TECRL: variants seen among roughly 807,000 people sequenced by gnomAD.
TECRL encodes trans-2,3-enoyl-CoA reductase like.
In TECRL, 63 loss-of-function variants were observed where a neutral mutation model predicts 52.8. That is an observed-to-expected ratio of 1.19 (90% CI 0.97 to 1.47). The LOEUF (loss-of-function observed/expected upper bound fraction) is 1.47, where lower values mean the gene tolerates loss of function less well. TECRL is among the 40% of genes most tolerant of loss of function. TECRL has a pLI of 0.00. For synonymous variants in TECRL, 164 were observed against 141.9 expected (o/e 1.16, Z -1.10); for missense variants, 482 against 429.6 (o/e 1.12, Z -1.08).
chr4:64,363,250 A>G (rs1480924479), intron 2 of TECRL, among the ~76,000 whole-genome samples: 1 of 152,174 alleles, frequency 6.6e-6, no homozygotes, highest in East Asian at 1.9e-4. Flanking sequence ...GGAAACTTCA[A>G]CACCCAACTG....
intron 1 of TECRL, among the ~76,000 whole-genome samples, chr4:64,392,355 A>G (rs1005652433): frequency 6.6e-6 from 1 of 151,850 alleles, no homozygotes; most frequent in East Asian, 1.9e-4. Context: ...ACTTCTGATC[A>G]CCAACTATTT....
At chr4:64,388,220 C>T (rs1371528565) in intron 1 of TECRL, among the ~76,000 whole-genome samples, 20 of 127,104 alleles carry the variant, frequency 1.6e-4, no homozygotes, top group South Asian at 5.1e-4. Context: ...AGTCTAAATC[C>T]TTTTTTTTTT....
chr4:64,329,606 T>A (rs923844678), intron 2 of TECRL, among the ~76,000 whole-genome samples: 4 of 151,938 alleles, frequency 2.6e-5, no homozygotes, highest in African/African-American at 9.7e-5. Flanking sequence ...AATTTAACTA[T>A]CTAGAAAATA....
chr4:64,394,907 A>ATTT lies in TECRL; in HGVS notation c.234+14208_234+14210dup, dbSNP rs751448355. Among the ~76,000 whole-genome samples the ATTT allele has an allele frequency of 1.0e-3, 105 of 105,084 alleles. 1 individual carries two copies. Among genetic ancestry groups the ATTT allele is most frequent in the African/African-American group, 2.3e-3 (58 of 24,820 alleles). 68.9% of individuals were successfully genotyped at this position (105,084 alleles called of 152,430 possible). A position where few individuals can be genotyped will look rare whatever the true frequency, so the allele number is the denominator to read the frequency against. Reference sequence around the variant, plus strand: ...GTTACAAGTCAAAAAATTAACAAGCATTTTTTTTTTTTTTTTTTTTTTTGA... The same window carrying ATTT: ...GTTACAAGTCAAAAAATTAACAAGCATTTTTTTTTTTTTTTTTTTTTTTTTTGA... On this transcript the variant is annotated intron_variant, in intron 1 of 11. Coordinates refer to ENST00000381210, the MANE Select transcript of TECRL (RefSeq NM_001010874.5).
chr4:64,284,060 G>A (rs1318138629), intron 9 of TECRL, among the ~76,000 whole-genome samples: 1 of 151,978 alleles, frequency 6.6e-6, no homozygotes, highest in African/African-American at 2.4e-5. Context: ...ACAAATTATA[G>A]GAGAATACAC....
chr4:64,371,667 C>T (rs906954612), intron 2 of TECRL, among the ~76,000 whole-genome samples: 4 of 151,604 alleles, frequency 2.6e-5, no homozygotes, highest in African/African-American at 9.7e-5. Context: ...CTTTTCTTTG[C>T]AGGCAGAAAC....
chr4:64,356,585 A>T (rs1036024562), intron 2 of TECRL, among the ~76,000 whole-genome samples: 13 of 152,166 alleles, frequency 8.5e-5, no homozygotes, highest in African/African-American at 3.1e-4. Context: ...CCTTGAACTT[A>T]TTGTGACACA....
Position 64,409,333 on chromosome 4 carries a change from A to C in TECRL, c.19T>G (p.Ser7Ala), listed in dbSNP as rs772612143. ...GCTCTCTTGCGTTCCGAAGCGAGGG[A>C]CTTGTGCCTTTTGAACATTGTGTGA... MFKRHK[S>A]LASERKRALL... Residue 7 changes from serine to alanine, a missense_variant, in exon 1 of 12, where the codon TCC becomes GCC. Coordinates refer to ENST00000381210, the MANE Select transcript of TECRL (RefSeq NM_001010874.5). 6.2e-7 allele frequency: 1 copy of C among 1,613,378 alleles called. No homozygotes were observed. The highest frequency in any genetic ancestry group is 8.5e-7 in the Non-Finnish European group (1 of 1,179,524).
intron 4 of TECRL, among the ~76,000 whole-genome samples, chr4:64,316,471 T>A (rs1408965155): frequency 6.6e-6 from 1 of 152,074 alleles, no homozygotes; most frequent in South Asian, 2.1e-4. Context: ...TTTAAAAAAA[T>A]TATTTCAGTG....
At chr4:64,358,683 C>G (rs1034197569) in intron 2 of TECRL, among the ~76,000 whole-genome samples, 1 of 151,536 alleles carries the variant, frequency 6.6e-6, no homozygotes, top group African/African-American at 2.4e-5. Context: ...AAAATAAACT[C>G]ATTGTATTGA....
intron 1 of TECRL, among the ~76,000 whole-genome samples, chr4:64,406,391 G>A (rs975060650): frequency 2.6e-5 from 4 of 151,616 alleles, no homozygotes; most frequent in Admixed American, 6.6e-5. Flanking sequence ...TCTATCCTAA[G>A]CATTATAACA....
At chr4:64,308,511 A>G (rs1724481444) in intron 6 of TECRL, among the ~76,000 whole-genome samples, 1 of 152,176 alleles carries the variant, frequency 6.6e-6, no homozygotes, top group Non-Finnish European at 1.5e-5. Flanking sequence ...GGTGTAAGCC[A>G]CAGAAGGCTT....
intron 6 of TECRL, among the ~76,000 whole-genome samples, chr4:64,306,334 A>G (rs191178176): frequency 6.3e-4 from 96 of 152,238 alleles, no homozygotes; most frequent in African/African-American, 2.0e-3. Context: ...TGTGGGACTT[A>G]GAAGGATATC....
intron 1 of TECRL, among the ~76,000 whole-genome samples, chr4:64,382,594 G>C (rs1577969517): frequency 6.6e-6 from 1 of 151,532 alleles, no homozygotes; most frequent in East Asian, 1.9e-4. Context: ...GTCTATATAT[G>C]TTTTTACAGA....
chr4:64,351,026 G>A (rs1200236357), intron 2 of TECRL, among the ~76,000 whole-genome samples: 1 of 26,022 alleles, frequency 3.8e-5, no homozygotes. Flanking sequence ...ATTATAAAAA[G>A]TGAAAAAAGC....
chr4:64,311,934 T>C (rs1717033849), intron 5 of TECRL, among the ~76,000 whole-genome samples: 1 of 152,072 alleles, frequency 6.6e-6, no homozygotes, highest in African/African-American at 2.4e-5. Flanking sequence ...ACTTTACAAA[T>C]AGCAAGGGAG....
At chr4:64,405,588 TAA>T (rs1724654181) in intron 1 of TECRL, among the ~76,000 whole-genome samples, 1 of 152,146 alleles carries the variant, frequency 6.6e-6, no homozygotes, top group Non-Finnish European at 1.5e-5. Flanking sequence ...CTCAATAGAT[TAA>T]ATCGATATAT....
Position 64,299,974 on chromosome 4 carries a change from C to A in TECRL, c.774G>T (p.Leu258=), listed in dbSNP as rs1378298597. ...RQITVSAINF[L]ICEAGNHFIN... is the part of the protein sequence containing the mutation. ...AGCAAAATATATATATGATACATAC[C>A]AGAAAATTGATAGCAGATACTGTGA... The change falls in exon 8 of 12, where the codon CTG becomes CTT. Residue 258 remains leucine (L), a splice_region_variant and synonymous_variant. Transcript: ENST00000381210. 4 of 1,567,056 alleles carry A rather than the reference C, an allele frequency of 2.6e-6. No homozygotes were observed. The highest frequency in any genetic ancestry group is 3.5e-6 in the Non-Finnish European group (4 of 1,152,714).
chr4:64,335,124 G>A (rs1043427485), intron 2 of TECRL, among the ~76,000 whole-genome samples: 1 of 152,194 alleles, frequency 6.6e-6, no homozygotes, highest in African/African-American at 2.4e-5. Flanking sequence ...CCACAGACCA[G>A]TCCTGGTCCC....
Sources: gnomAD v4.1 joint callset for allele counts (sites outside exome capture counted in the v4.1 genomes callset) on GRCh38, gnomAD v4.1.1 for gene constraint, MANE v1.5 for transcripts, NCBI Gene and HGNC (gene_info 2026-07-23, HGNC 2026-07-21) for gene names.